Variants in OSBPL10 observed in about 807,000 individuals in gnomAD.
The protein encoded by OSBPL10 is oxysterol binding protein like 10.
In OSBPL10, 49 loss-of-function variants were observed where a neutral mutation model predicts 81.7. That is an observed-to-expected ratio of 0.60 (90% CI 0.48 to 0.76). The LOEUF is 0.76. Ranked by LOEUF, OSBPL10 falls within the 30% of genes least tolerant of loss-of-function variation. The pLI, the probability that OSBPL10 is intolerant of heterozygous loss-of-function variation, is 0.00. For missense variants in OSBPL10, 923 were observed against 987.8 expected, an observed-to-expected ratio of 0.93 and a Z score of 0.88; for synonymous variants, 419 against 383.6, an observed-to-expected ratio of 1.09 and a Z score of -1.08.
At chr3:31,863,633 C>T (rs1701109155) in intron 3 of OSBPL10, among the ~76,000 whole-genome samples, 1 of 152,298 alleles carries the variant, frequency 6.6e-6, no homozygotes, top group East Asian at 1.9e-4. Flanking sequence ...TGCCACAAAG[C>T]AATGTGTTCC....
chr3:31,690,919 CT>C (rs10706251), intron 7 of OSBPL10, among the ~76,000 whole-genome samples: 121,726 of 148,068 alleles, frequency 0.82, 51,167 homozygotes, highest in Non-Finnish European at 0.91. Context: ...GCACCCTCTC[CT>C]TTTTTTTTTT....
intron 1 of OSBPL10, among the ~76,000 whole-genome samples, chr3:31,966,887 C>A (rs1300516779): frequency 6.6e-6 from 1 of 152,052 alleles, no homozygotes; most frequent in Non-Finnish European, 1.5e-5. Flanking sequence ...CAAATGAAAA[C>A]CATGACACAC....
chr3:31,897,601 T>C (rs1232020986), intron 1 of OSBPL10, among the ~76,000 whole-genome samples: 1 of 151,940 alleles, frequency 6.6e-6, no homozygotes, highest in Non-Finnish European at 1.5e-5. Flanking sequence ...ATAGTAAAAT[T>C]TAAAATCAAA....
chr3:31,818,689 T>C (rs967742888), intron 4 of OSBPL10, among the ~76,000 whole-genome samples: 4 of 152,182 alleles, frequency 2.6e-5, no homozygotes, highest in African/African-American at 9.6e-5. Flanking sequence ...TCCCCACTCC[T>C]ACTCCAAAAG....
chr3:31,822,525 T>G (rs1340338934), intron 4 of OSBPL10, among the ~76,000 whole-genome samples: 1 of 152,152 alleles, frequency 6.6e-6, no homozygotes, highest in Non-Finnish European at 1.5e-5. Flanking sequence ...AGGAAGAATT[T>G]TATTAAAATC....
In OSBPL10 at chr3:31,990,136, C is replaced by T. The variant is rs547196312; in HGVS notation, n.298+56355G>A. On this transcript the variant is annotated intron_variant and non_coding_transcript_variant, in intron 2 of 3. Transcript: ENST00000479173. ...TAAGGTTTGTGAAAAGGCTTTCAGG[C>T]GTGATTCACACCTCACACAACACAC... 3.8e-5 allele frequency: 61 copies of T among 1,611,568 alleles called. No individual in the cohort carries two copies. The highest frequency in any genetic ancestry group is 3.4e-4 in the East Asian group (15 of 44,658).
At chr3:31,770,979 T>C (rs1426449132) in intron 4 of OSBPL10, among the ~76,000 whole-genome samples, 1 of 152,204 alleles carries the variant, frequency 6.6e-6, no homozygotes, top group African/African-American at 2.4e-5. Flanking sequence ...ACTTATTAAC[T>C]GTAATCTTGG....
chr3:31,798,563 A>G (rs1185785540), intron 4 of OSBPL10, among the ~76,000 whole-genome samples: 2 of 152,150 alleles, frequency 1.3e-5, no homozygotes, highest in East Asian at 3.8e-4. Flanking sequence ...TAAATAAAAT[A>G]TATTATTAAA....
chr3:31,846,447 AACC>A (rs1427420980), intron 3 of OSBPL10, among the ~76,000 whole-genome samples: 1 of 152,058 alleles, frequency 6.6e-6, no homozygotes, highest in African/African-American at 2.4e-5. Flanking sequence ...AACATGGTAA[AACC>A]CCGTCTCTAC....
chr3:31,986,927 C>T (rs556928124), intron 2 of OSBPL10, among the ~76,000 whole-genome samples: 154 of 152,138 alleles, frequency 1.0e-3, no homozygotes, highest in African/African-American at 3.2e-3. Flanking sequence ...GGATTGCTTG[C>T]GCCCAGAAAT....
At chr3:31,796,587 C>T (rs1171985282) in intron 4 of OSBPL10, among the ~76,000 whole-genome samples, 3 of 152,168 alleles carry the variant, frequency 2.0e-5, no homozygotes, top group Non-Finnish European at 4.4e-5. Context: ...TCAACATCAA[C>T]TCTACTGACA....
intron 3 of OSBPL10, among the ~76,000 whole-genome samples, chr3:31,868,850 T>G (rs1339433028): frequency 6.6e-6 from 1 of 152,224 alleles, no homozygotes; most frequent in Non-Finnish European, 1.5e-5. Flanking sequence ...ATTCATAAAT[T>G]TCTCCAACTC....
chr3:31,835,309 A>G (rs4431150), intron 3 of OSBPL10, among the ~76,000 whole-genome samples: 8,887 of 152,328 alleles, frequency 0.058, 686 homozygotes, highest in East Asian at 0.43. Context: ...AAAAATAATT[A>G]GTATTTAAAC....
At chr3:31,939,097 T>TCA (rs939228973) in intron 1 of OSBPL10, among the ~76,000 whole-genome samples, 135 of 150,770 alleles carry the variant, frequency 9.0e-4, no homozygotes, top group Non-Finnish European at 1.7e-3. Context: ...TCTTATGCTC[T>TCA]CACACTTCCC....
intron 4 of OSBPL10, among the ~76,000 whole-genome samples, chr3:31,768,820 TAATCAA>T (rs1698275319): frequency 1.3e-5 from 2 of 152,332 alleles, no homozygotes; most frequent in Admixed American, 6.5e-5. Context: ...TGCTAGATTT[TAATCAA>T]GCTCCATTTA....
At chr3:31,795,766 T>C (rs113225353) in intron 4 of OSBPL10, 6,947 of 236,154 alleles carry the variant, frequency 0.029, 158 homozygotes, top group Non-Finnish European at 0.03. Flanking sequence ...AGAAAGACCT[T>C]ATAGTTGTGG....
intron 1 of OSBPL10, among the ~76,000 whole-genome samples, chr3:31,906,040 G>C (rs1696401889): frequency 6.6e-6 from 1 of 152,106 alleles, no homozygotes; most frequent in South Asian, 2.1e-4. Flanking sequence ...CTCCTGCTAA[G>C]TTTCTTCGAT....
chr3:31,848,417 AAACATGAAG>A (rs1177698211), intron 3 of OSBPL10, among the ~76,000 whole-genome samples: 1 of 151,966 alleles, frequency 6.6e-6, no homozygotes, highest in Non-Finnish European at 1.5e-5. Flanking sequence ...GTCTCATCTC[AAACATGAAG>A]AACATGAATT....
intron 3 of OSBPL10, among the ~76,000 whole-genome samples, chr3:31,857,284 C>T (rs1700935378): frequency 6.6e-6 from 1 of 152,162 alleles, no homozygotes; most frequent in Non-Finnish European, 1.5e-5. Context: ...GATGTAGCAG[C>T]TCCCCTCAAA....
Sources: gnomAD v4.1 joint callset for allele counts (sites outside exome capture counted in the v4.1 genomes callset) on GRCh38, gnomAD v4.1.1 for gene constraint, MANE v1.5 for transcripts, NCBI Gene and HGNC (gene_info 2026-07-23, HGNC 2026-07-21) for gene names.